The following TCF4 variants were observed in gnomAD, a reference collection of about 807,000 sequenced individuals.
The protein encoded by TCF4 is transcription factor 4, also known as SL3-3 enhancer factor 2.
Under a neutral mutation model 82.1 loss-of-function variants are expected in TCF4, and 3 were observed. That is an observed-to-expected ratio of 0.04 (90% CI 0.02 to 0.09). The LOEUF is 0.09. TCF4 is among the 10% of genes least tolerant of loss of function. The pLI, the probability that TCF4 is intolerant of heterozygous loss-of-function variation, is 1.00. For synonymous variants in TCF4, 276 were observed against 309.6 expected, an observed-to-expected ratio of 0.89 and a Z score of 1.14; for missense variants, 518 against 852.7, an observed-to-expected ratio of 0.61 and a Z score of 4.89.
Position 55,421,739 on chromosome 18 carries a change from G to A in TCF4, c.305-18221C>T, listed in dbSNP as rs374239908. Reference sequence around the variant, plus strand: ...ACCTAAAGATCAAATAGAAAATGAAGTCAGACTCTGTTTAAGTTTTTCTTT... The same window carrying A: ...ACCTAAAGATCAAATAGAAAATGAAATCAGACTCTGTTTAAGTTTTTCTTT... On this transcript the variant is annotated intron_variant, in intron 5 of 19. Coordinates refer to ENST00000354452, the MANE Select transcript of TCF4 (RefSeq NM_001083962.2). Among the ~76,000 whole-genome samples, 226 of 152,206 alleles carry A rather than the reference G, an allele frequency of 1.5e-3. 1 individual carries two copies. The highest frequency in any genetic ancestry group is 2.5e-3 in the Non-Finnish European group (169 of 67,992).
intron 3 of TCF4, among the ~76,000 whole-genome samples, chr18:55,525,338 A>C (rs1013998182): frequency 1.3e-5 from 2 of 152,060 alleles, no homozygotes; most frequent in African/African-American, 4.8e-5. Flanking sequence ...ATAAAGAAAA[A>C]TACTCTTCTA....
intron 6 of TCF4, among the ~76,000 whole-genome samples, chr18:55,359,827 C>A (rs1253092895): frequency 1.3e-5 from 2 of 152,152 alleles, no homozygotes; most frequent in Non-Finnish European, 2.9e-5. Context: ...CTTTAAAGTA[C>A]ATTTGAAGAG....
chr18:55,340,550 C>T (rs1222030098), intron 8 of TCF4, among the ~76,000 whole-genome samples: 4 of 143,890 alleles, frequency 2.8e-5, no homozygotes, highest in African/African-American at 2.6e-5. Context: ...CACCACTGTA[C>T]TCCAACCTAG....
intron 8 of TCF4, among the ~76,000 whole-genome samples, chr18:55,299,441 C>T (rs1436747618): frequency 7.0e-6 from 1 of 143,692 alleles, no homozygotes; most frequent in Non-Finnish European, 1.5e-5. Context: ...CTTGGGGGAG[C>T]ATGTTTCTGC....
At chr18:55,316,137 A>G (rs571862616) in intron 8 of TCF4, among the ~76,000 whole-genome samples, 4 of 152,134 alleles carry the variant, frequency 2.6e-5, no homozygotes, top group Admixed American at 2.0e-4. Flanking sequence ...TTGGAGGGGG[A>G]AAAAAGGCCC....
rs572818004 is a variant in TCF4, at chr18:55,302,006, C to T, written c.550-22350G>A. Among the ~76,000 whole-genome samples the T allele has an allele frequency of 3.2e-4, 49 of 152,244 alleles. No homozygotes were observed. The South Asian group carries it at 9.1e-3, about 28-fold the overall frequency. Reference sequence around the variant, plus strand: ...ACATCACAATGGTAAGAAACAAAACCGTGGTTGTAACCGAATGATAAATTC... The same window carrying T: ...ACATCACAATGGTAAGAAACAAAACTGTGGTTGTAACCGAATGATAAATTC... On this transcript the variant is annotated intron_variant, in intron 8 of 19. Coordinates refer to ENST00000354452, the MANE Select transcript of TCF4 (RefSeq NM_001083962.2).
chr18:55,628,027 T>G (rs1343993777), intron 2 of TCF4, among the ~76,000 whole-genome samples: 1 of 152,178 alleles, frequency 6.6e-6, no homozygotes, highest in African/African-American at 2.4e-5. Context: ...GCCACTGCAC[T>G]CCAGCCTGTG....
intron 8 of TCF4, among the ~76,000 whole-genome samples, chr18:55,284,762 G>A (rs2063341387): frequency 6.6e-6 from 1 of 152,206 alleles, no homozygotes; most frequent in African/African-American, 2.4e-5. Flanking sequence ...AAACAGCAAA[G>A]CAGAATGGAG....
chr18:55,511,051 T>A (rs2096822830), intron 3 of TCF4, among the ~76,000 whole-genome samples: 1 of 152,134 alleles, frequency 6.6e-6, no homozygotes, highest in Non-Finnish European at 1.5e-5. Context: ...GTAAATTTCC[T>A]TCCTTTACGC....
At chr18:55,359,126 G>A (rs1631486) in intron 6 of TCF4, among the ~76,000 whole-genome samples, 74,296 of 151,932 alleles carry the variant, frequency 0.49, 20,428 homozygotes, top group African/African-American at 0.76. Flanking sequence ...TGAGGCTGTA[G>A]AACAGCATGC....
intron 6 of TCF4, among the ~76,000 whole-genome samples, chr18:55,399,491 C>T (rs1166836933): frequency 6.6e-6 from 1 of 152,162 alleles, no homozygotes; most frequent in Non-Finnish European, 1.5e-5. Context: ...TTGGACTTCA[C>T]TAGAGAAAAC....
intron 6 of TCF4, among the ~76,000 whole-genome samples, chr18:55,384,796 A>G (rs189303844): frequency 2.7e-4 from 41 of 152,230 alleles, no homozygotes; most frequent in African/African-American, 9.4e-4. Context: ...TTTCACAAGT[A>G]CCTCAATATT....
At chr18:55,632,271 C>T (rs1418823133) in intron 1 of TCF4, among the ~76,000 whole-genome samples, 2 of 152,200 alleles carry the variant, frequency 1.3e-5, no homozygotes. Context: ...ATCTCCTGAC[C>T]TCGTGATTCA....
intron 15 of TCF4, among the ~76,000 whole-genome samples, chr18:55,248,666 T>TTA (rs2054062859): frequency 6.6e-6 from 1 of 152,204 alleles, no homozygotes; most frequent in Non-Finnish European, 1.5e-5. Flanking sequence ...GAAATGGTTA[T>TTA]GGTATTAGGG....
upstream of TCF4, chr18:55,588,510 A>C (rs1302539663): frequency 6.5e-7 from 1 of 1,534,968 alleles, no homozygotes; most frequent in Non-Finnish European, 8.7e-7. Context: ...CTGAAGCCTG[A>C]ACAGTTCAGT....
In TCF4 at chr18:55,228,254, C is replaced by T; in HGVS notation, c.1987G>A (p.Asp663Asn). 1 of 1,614,190 alleles carries T rather than the reference C, an allele frequency of 6.2e-7. No homozygotes were observed. The part of the protein sequence containing the change: ...SLAGPHPGMG[D>N]ASNHMGQM Reference sequence around the variant, plus strand: ...ATCTGTCCCATGTGATTCGATGCGTCTCCCATTCCAGGGTGTGGGCCGGCC... The same window carrying T: ...ATCTGTCCCATGTGATTCGATGCGTTTCCCATTCCAGGGTGTGGGCCGGCC... Residue 663 changes from aspartate to asparagine, a missense_variant, in exon 19 of 20, where the codon GAC (aspartate) becomes AAC (asparagine). Around this residue, in one of 7 missense-constraint regions of TCF4, gnomAD observed 40 missense variants for 41.5 expected, o/e 0.96. Transcript: ENST00000354452.
chr18:55,603,566 T>G (rs556411188), intron 2 of TCF4, among the ~76,000 whole-genome samples: 1 of 152,274 alleles, frequency 6.6e-6, no homozygotes, highest in African/African-American at 2.4e-5. Flanking sequence ...TGTGCATACT[T>G]CTAAGAGAGA....
At chr18:55,449,458 T>C (rs1349755319) in intron 5 of TCF4, among the ~76,000 whole-genome samples, 1 of 152,238 alleles carries the variant, frequency 6.6e-6, no homozygotes, top group Non-Finnish European at 1.5e-5. Flanking sequence ...TTCCAATTAC[T>C]CTGAAAGTTC....
Position 55,254,653 on chromosome 18 carries a change from A to G in TCF4, c.1194T>C (p.His398=), listed in dbSNP as rs200225114. 3.1e-5 allele frequency: 50 copies of G among 1,613,390 alleles called. No homozygotes were observed. The East Asian group carries it at 9.8e-4, about 32-fold the overall frequency. Reference sequence around the variant, plus strand: ...GGCCCACTGCATGGTTCCGGAGAACATGAATAGCATCATCCAGTCTTTCTA... The same window carrying G: ...GGCCCACTGCATGGTTCCGGAGAACGTGAATAGCATCATCCAGTCTTTCTA... The part of the protein sequence containing the change: ...DRLERLDDAI[H]VLRNHAVGPS... Residue 398 remains histidine (H), a synonymous_variant, in exon 15 of 20, where the codon CAT becomes CAC. Coordinates refer to ENST00000354452, the MANE Select transcript of TCF4 (RefSeq NM_001083962.2).
Sources: gnomAD v4.1 joint callset for allele counts (sites outside exome capture counted in the v4.1 genomes callset) on GRCh38, gnomAD v4.1.1 for gene constraint, gnomAD v4.1.1 regional missense constraint, MANE v1.5 for transcripts, NCBI Gene and HGNC (gene_info 2026-07-23, HGNC 2026-07-21) for gene names.